DDX24: variants seen among roughly 807,000 people sequenced by gnomAD.
DDX24 encodes DEAD-box helicase 24, also known as ATP-dependent RNA helicase DDX24.
A neutral mutation model predicts 68.9 loss-of-function variants in DDX24; 24 were observed. The observed-to-expected ratio is 0.35, with a 90% CI of 0.25 to 0.49. DDX24 has a LOEUF of 0.49. DDX24 is among the 20% of genes least tolerant of loss of function. The probability of loss-of-function intolerance (pLI) is 0.99; values close to 1 mark genes in which losing one functional copy is unlikely to be tolerated. For synonymous variants in DDX24, 395 were observed against 385.2 expected (o/e 1.03, Z -0.30); for missense variants, 989 against 1,039.0 (o/e 0.95, Z 0.66).
chr14:94,064,597 T>C (rs541447680), intron 2 of DDX24, among the ~76,000 whole-genome samples: 57 of 152,346 alleles, frequency 3.7e-4, no homozygotes, highest in Non-Finnish European at 7.2e-4. Flanking sequence ...GGAGTTCGGA[T>C]AGATTCCAGG....
In DDX24 at chr14:94,075,549, T is replaced by C. The variant is rs577315191; in HGVS notation, c.718+3476A>G. On this transcript the variant is annotated intron_variant, in intron 2 of 8. Coordinates refer to ENST00000621632, the MANE Select transcript of DDX24 (RefSeq NM_020414.4). ...CATAAAACCTAAGACTATTAACACT[T>C]CTAGAACAAAACACAGGAGAAATCT... is the stretch of plus-strand genomic sequence containing the variant. Among the ~76,000 whole-genome samples the C allele has an allele frequency of 3.3e-5, 5 of 152,308 alleles. No homozygotes were observed. The South Asian group carries it at 1.0e-3, about 32-fold the overall frequency.
chr14:94,051,624 A>C (rs1395129279), intron 8 of DDX24, 162 bp from the exon 9 acceptor site: 17 of 830,806 alleles, frequency 2.0e-5, no homozygotes, highest in Non-Finnish European at 3.1e-5. Context: ...GGGGCTGTAA[A>C]TGGATAACGT....
At chr14:94,074,014 G>A (rs1885886442) in intron 2 of DDX24, among the ~76,000 whole-genome samples, 1 of 148,562 alleles carries the variant, frequency 6.7e-6, no homozygotes, top group South Asian at 2.1e-4. Context: ...CTGCACTCCA[G>A]CCTGGGCAAC....
intron 8 of DDX24, among the ~76,000 whole-genome samples, chr14:94,051,984 CA>C (rs1885396642): frequency 6.6e-6 from 1 of 152,254 alleles, no homozygotes; most frequent in Non-Finnish European, 1.5e-5. Context: ...CTGGCAGAGC[CA>C]AAAGGTTCCA....
At chr14:94,080,523 T>C (rs1334432653) in intron 1 of DDX24, among the ~76,000 whole-genome samples, 2 of 152,128 alleles carry the variant, frequency 1.3e-5, no homozygotes, top group African/African-American at 4.8e-5. Context: ...TATTAATCTC[T>C]GAGTCTCTTA....
chr14:94,065,562 T>C (rs1203342174), intron 2 of DDX24, among the ~76,000 whole-genome samples: 3 of 152,154 alleles, frequency 2.0e-5, no homozygotes, highest in Non-Finnish European at 4.4e-5. Flanking sequence ...GCTTGCATTG[T>C]GAGTTTTAGC....
Position 94,079,360 on chromosome 14 carries a change from T to G in DDX24, c.383A>C (p.Gln128Pro), listed in dbSNP as rs374477204. The change falls in exon 2 of 9, where the codon CAG (glutamine) becomes CCG (proline). Residue 128 changes from glutamine (Q) to proline (P), a missense_variant. Coordinates refer to ENST00000621632, the MANE Select transcript of DDX24 (RefSeq NM_020414.4). Reference sequence around the variant, plus strand: ...ATCATCACAAACCATGTCATCTCCCTGGGCCTCCAGCTCAGGATCTTTCAC... The same window carrying G: ...ATCATCACAAACCATGTCATCTCCCGGGGCCTCCAGCTCAGGATCTTTCAC... ...FEVKDPELEAQGDDMVCDDPE... is the reference protein window; with the variant it reads ...FEVKDPELEAPGDDMVCDDPE... 1 of 1,614,082 alleles carries G rather than the reference T, an allele frequency of 6.2e-7. No individual in the cohort carries two copies. The highest frequency in any genetic ancestry group is 1.1e-5 in the South Asian group (1 of 91,082).
At chr14:94,060,822 G>A (rs1330813104) in intron 4 of DDX24, 91 bp downstream of exon 4, 3 of 1,546,488 alleles carry the variant, frequency 1.9e-6, no homozygotes, top group Non-Finnish European at 2.6e-6. Flanking sequence ...ATAGCATTCT[G>A]CGATGAGAAG....
intron 2 of DDX24, among the ~76,000 whole-genome samples, chr14:94,070,068 C>T (rs1885797881): frequency 1.3e-5 from 2 of 152,088 alleles, no homozygotes. Flanking sequence ...AAGAGGAAGT[C>T]AAACTGGCAC....
chr14:94,077,415 C>A (rs1205477839), intron 2 of DDX24, among the ~76,000 whole-genome samples: 2 of 152,208 alleles, frequency 1.3e-5, no homozygotes, highest in Non-Finnish European at 2.9e-5. Context: ...CTTCCACGGA[C>A]TTACTTCCAG....
At position 94,062,315 on chromosome 14, in the gene DDX24, G is replaced by A. The variant is rs746772838; in HGVS notation, c.1025C>T (p.Ser342Phe). 2 of 1,614,222 alleles carry A rather than the reference G, an allele frequency of 1.2e-6. No homozygotes were observed. The highest frequency in any genetic ancestry group is 2.2e-5 in the East Asian group (1 of 44,890). ...FGDDDAGEGPSSLIREKPVPK... is the reference protein window; with the variant it reads ...FGDDDAGEGPFSLIREKPVPK... Reference sequence around the variant, plus strand: ...AACAGGTTTCTCCCTGATCAGGGAAGAAGGCCCTTCACCAGCATCATCGTC... The same window carrying A: ...AACAGGTTTCTCCCTGATCAGGGAAAAAGGCCCTTCACCAGCATCATCGTC... The change falls in exon 3 of 9, where the codon TCT becomes TTT. Residue 342 changes from serine (S) to phenylalanine (F), a missense_variant. Coordinates refer to ENST00000621632, the MANE Select transcript of DDX24 (RefSeq NM_020414.4).
At chr14:94,069,633 T>C (rs758042450) in intron 2 of DDX24, among the ~76,000 whole-genome samples, 1 of 152,022 alleles carries the variant, frequency 6.6e-6, no homozygotes, top group African/African-American at 2.4e-5. Context: ...GCTAACCAAA[T>C]CCAACAACAT....
At chr14:94,055,476 GC>G (rs1885475894) in intron 6 of DDX24, 1 of 415,228 alleles carries the variant, frequency 2.4e-6, no homozygotes, top group Non-Finnish European at 4.3e-6. Context: ...GATTTAAGCA[GC>G]CCAGCTCCAC....
intron 6 of DDX24, 25 bp from the exon 7 acceptor site, chr14:94,055,209 C>G (rs1344103584): frequency 6.2e-7 from 1 of 1,605,028 alleles, no homozygotes; most frequent in South Asian, 1.1e-5. Context: ...ACTGGGAGAT[C>G]AATACATGGC....
chr14:94,052,886 A>C, intron 8 of DDX24, 112 bp downstream of exon 8: 1 of 1,424,124 alleles, frequency 7.0e-7, no homozygotes, highest in Non-Finnish European at 9.4e-7. Flanking sequence ...AAGAGGGGGA[A>C]GGACGCCTTG....
Position 94,051,262 on chromosome 14 carries a change from T to G in DDX24, c.2509A>C (p.Lys837Gln), listed in dbSNP as rs1195184721. 3.1e-6 allele frequency: 5 copies of G among 1,600,176 alleles called. No individual in the cohort carries two copies. Among genetic ancestry groups the G allele is most frequent in the Non-Finnish European group, 4.3e-6 (5 of 1,174,296 alleles). ...ESALSCLSKQ[K>Q]KKKTKKPKEP... Reference sequence around the variant, plus strand: ...TTCGGCTTCTTTGTCTTCTTCTTCTTCTGCTTGGAGAGACAGCTCAAAGCA... The same window carrying G: ...TTCGGCTTCTTTGTCTTCTTCTTCTGCTGCTTGGAGAGACAGCTCAAAGCA... The change falls in exon 9 of 9, where the codon AAG (lysine) becomes CAG (glutamine). Residue 837 changes from lysine to glutamine, a missense_variant. Transcript: ENST00000621632.
rs8003046 is a variant in DDX24 at position 94,049,645 on chromosome 14, T to C, written c.*1546A>G. 74,798 of 151,558 alleles carry C rather than the reference T, an allele frequency of 0.49. 19,374 individuals are homozygous for C. Among genetic ancestry groups the C allele is most frequent in the African/African-American group, 0.66 (27,158 of 41,252 alleles). 9.4% of individuals were successfully genotyped at this position (151,558 alleles called of 1,614,324 possible). ...CAGTGGCTCACACCTGTAATCTCAG[T>C]ACTTTGGGAGGCTGAGGCAAGAGGA... On this transcript the variant is annotated 3_prime_UTR_variant, in exon 9 of 9. Transcript: ENST00000621632.
rs770602333 is a variant in DDX24, at chr14:94,079,471, T to C, written c.272A>G (p.Lys91Arg). The C allele has an allele frequency of 2.5e-6, 4 of 1,614,026 alleles. No individual in the cohort carries two copies. The highest frequency in any genetic ancestry group is 3.4e-6 in the Non-Finnish European group (4 of 1,180,042). The stretch of plus-strand genomic sequence containing the variant: ...GATCTTTTTCTTTGGTGAGCTAGAC[T>C]TTCCCTCCTCCTCCTCCTCTTCTTC... ...VSEEEEEEEG[K>R]SSSPKKKIKL... Residue 91 changes from lysine to arginine, a missense_variant, in exon 2 of 9, where the codon AAG (lysine) becomes AGG (arginine). By Grantham distance (26) the Lys-to-Arg change is conservative. Around this residue, in one of 3 missense-constraint regions of DDX24, gnomAD observed 295 missense variants for 263.0 expected, o/e 1.12. Coordinates refer to ENST00000621632, the MANE Select transcript of DDX24 (RefSeq NM_020414.4).
At chr14:94,078,124 T>C (rs753381520) in intron 2 of DDX24, among the ~76,000 whole-genome samples, 2 of 152,152 alleles carry the variant, frequency 1.3e-5, no homozygotes, top group Non-Finnish European at 2.9e-5. Context: ...ATAAGACCTA[T>C]GTTGTATGAG....
Sources: allele counts gnomAD v4.1 joint callset (sites outside exome capture counted in the v4.1 genomes callset), GRCh38; gene constraint gnomAD v4.1.1; regional missense constraint gnomAD v4.1.1; transcripts MANE v1.5; gene names NCBI Gene and HGNC (gene_info 2026-07-23, HGNC 2026-07-21).